MYH14: variants seen among roughly 807,000 people sequenced by gnomAD.
MYH14 encodes the protein myosin-14.
MYH14 carries 123 observed loss-of-function variants against 255.5 expected under a neutral mutation model. That is an observed-to-expected ratio of 0.48 (90% CI 0.42 to 0.56). The LOEUF is 0.56. Ranked by LOEUF, MYH14 falls within the 20% of genes least tolerant of loss-of-function variation. The pLI, the probability that MYH14 is intolerant of heterozygous loss-of-function variation, is 0.00. For synonymous variants in MYH14, 1,095 were observed against 1,161.2 expected, an observed-to-expected ratio of 0.94 and a Z score of 1.16; for missense variants, 2,423 against 2,802.3, an observed-to-expected ratio of 0.86 and a Z score of 3.06.
chr19:50,259,423 T>C (rs1259354849), intron 19 of MYH14, among the ~76,000 whole-genome samples, 158 bp downstream of exon 19: 2 of 152,200 alleles, frequency 1.3e-5, no homozygotes, highest in African/African-American at 2.4e-5. Flanking sequence ...AGTTTACTCG[T>C]CTGTGTATGG....
At position 50,221,119 on chromosome 19, in the gene MYH14, C is replaced by T. The variant is rs979726747; in HGVS notation, c.563-1964C>T. Reference sequence around the variant, plus strand: ...TGGGATTCGAACCCAGGGCCCCTGACCACCGCCTCCCTGTATGTCACACTG... The same window carrying T: ...TGGGATTCGAACCCAGGGCCCCTGATCACCGCCTCCCTGTATGTCACACTG... On this transcript the variant is annotated intron_variant, in intron 3 of 42. Coordinates refer to ENST00000642316, the MANE Select transcript of MYH14 (RefSeq NM_001145809.2). This position sits in a 1 kb window ranked among gnomAD's most constrained non-coding sequence, Gnocchi z 5.3. Among the ~76,000 whole-genome samples the T allele has an allele frequency of 9.2e-5, 14 of 152,114 alleles. No individual in the cohort carries two copies. The highest frequency in any genetic ancestry group is 9.2e-4 in the Admixed American group (14 of 15,264).
intron 1 of MYH14, among the ~76,000 whole-genome samples, chr19:50,205,232 C>T (rs544330716): frequency 3.3e-4 from 51 of 152,340 alleles, no homozygotes; most frequent in African/African-American, 1.2e-3. Flanking sequence ...GGGTTTGAAT[C>T]CCGGGAATCC....
chr19:50,267,252 G>A (rs1249123081), intron 23 of MYH14, among the ~76,000 whole-genome samples: 2 of 145,216 alleles, frequency 1.4e-5, no homozygotes, highest in Non-Finnish European at 3.0e-5. Context: ...TATGGGCCGG[G>A]TAGGGGTGGG....
intron 40 of MYH14, among the ~76,000 whole-genome samples, chr19:50,304,069 T>G (rs1158931817): frequency 6.6e-6 from 1 of 152,218 alleles, no homozygotes; most frequent in African/African-American, 2.4e-5. Flanking sequence ...GTTGGACTAC[T>G]TGTATATACC....
intron 22 of MYH14, 87 bp downstream of exon 22, chr19:50,263,507 G>A: frequency 2.3e-6 from 2 of 887,616 alleles, no homozygotes; most frequent in Admixed American, 5.7e-5. Flanking sequence ...TCCTCCATGT[G>A]GGCCTCAGTT....
At chr19:50,260,114 AG>A (rs2034766850) in intron 19 of MYH14, among the ~76,000 whole-genome samples, 1 of 152,176 alleles carries the variant, frequency 6.6e-6, no homozygotes, top group Admixed American at 6.5e-5. Context: ...ATTTTACTAA[AG>A]CCAATACATC....
At chr19:50,283,156 G>A (rs1042798915) in intron 33 of MYH14, among the ~76,000 whole-genome samples, 17 of 150,740 alleles carry the variant, frequency 1.1e-4, no homozygotes, top group Admixed American at 9.9e-4. Context: ...GTCTCGCTGT[G>A]TCACCAAGGC....
At chr19:50,275,029 A>T (rs1488748838) in intron 27 of MYH14, among the ~76,000 whole-genome samples, 1 of 151,798 alleles carries the variant, frequency 6.6e-6, no homozygotes, top group Non-Finnish European at 1.5e-5. Context: ...GAATTTGCCT[A>T]TTCTAGATAT....
At chr19:50,218,471 A>G (rs995988558) in intron 3 of MYH14, among the ~76,000 whole-genome samples, 1 of 151,548 alleles carries the variant, frequency 6.6e-6, no homozygotes, top group East Asian at 2.0e-4. Flanking sequence ...GGTGGCGGGC[A>G]CCTGTAGTCC....
intron 24 of MYH14, among the ~76,000 whole-genome samples, chr19:50,270,534 A>G (rs560911683): frequency 1.4e-5 from 2 of 144,616 alleles, no homozygotes; most frequent in South Asian, 4.5e-4. Flanking sequence ...AAAAAAAAAA[A>G]AAAGAAAAGA....
At chr19:50,259,017 A>G in intron 18 of MYH14, 127 bp from the exon 19 acceptor site, 1 of 1,301,034 alleles carries the variant, frequency 7.7e-7, no homozygotes, top group Non-Finnish European at 1.0e-6. Context: ...CAGGGCCTAG[A>G]ACCGTTCCTA....
At position 50,293,492 on chromosome 19, in the gene MYH14, C is replaced by G. The variant is rs2036157860; in HGVS notation, c.5346-72C>G. 1 of 1,593,042 alleles carries G rather than the reference C, an allele frequency of 6.3e-7. No homozygotes were observed. Among genetic ancestry groups the G allele is most frequent in the East Asian group, 2.3e-5 (1 of 44,182 alleles). On this transcript the variant is annotated intron_variant, in intron 38 of 42. Coordinates refer to ENST00000642316, the MANE Select transcript of MYH14 (RefSeq NM_001145809.2). The surrounding 1 kb of genome is among the most constrained non-coding windows in gnomAD (Gnocchi z 4.1). ...GATGCGTGGGGCTAACCACAGGGTC[C>G]TGTAGTGTGAGGCAAGGCACCCTCC...
In MYH14 at chr19:50,293,371, G is replaced by A. The variant is rs1335033546; in HGVS notation, c.5345+50G>A. 6.5e-7 allele frequency: 1 copy of A among 1,545,922 alleles called. No homozygotes were observed. Among genetic ancestry groups the A allele is most frequent in the Non-Finnish European group, 8.8e-7 (1 of 1,135,390 alleles). On this transcript the variant is annotated intron_variant, in intron 38 of 42. Coordinates refer to ENST00000642316, the MANE Select transcript of MYH14 (RefSeq NM_001145809.2). This position sits in a 1 kb window ranked among gnomAD's most constrained non-coding sequence, Gnocchi z 4.1. ...CTGAGGTACTGCGTCTGCAGGAGGT[G>A]AAGCTGGGGTAGGCTGGAGGTGGCT...
intron 1 of MYH14, among the ~76,000 whole-genome samples, chr19:50,204,120 A>G (rs927895673): frequency 2.6e-5 from 4 of 152,258 alleles, no homozygotes; most frequent in East Asian, 3.9e-4. Context: ...TTGAGAACCT[A>G]TGATGTACTT....
At chr19:50,210,886 G>T (rs2032160960) in intron 2 of MYH14, 116 bp downstream of exon 2, 1 of 1,461,188 alleles carries the variant, frequency 6.8e-7, no homozygotes, top group Non-Finnish European at 9.0e-7. Context: ...TGTATCCCAT[G>T]TCCCGTGACT....
chr19:50,309,687 G>A lies in MYH14; in HGVS notation c.6008G>A (p.Arg2003Gln), dbSNP rs754115880. 46 of 1,606,544 alleles carry A rather than the reference G, an allele frequency of 2.9e-5. 1 individual carries two copies. The highest frequency in any genetic ancestry group is 2.8e-4 in the South Asian group (25 of 89,870). Reference sequence around the variant, plus strand: ...ACCCGCACGGTGCGCCAGGTCTTCCGACTAGAGGAGGGCGTGGCATCCGAC... The same window carrying A: ...ACCCGCACGGTGCGCCAGGTCTTCCAACTAGAGGAGGGCGTGGCATCCGAC... ...FTTRTVRQVF[R>Q]LEEGVASDEE... is the part of the protein sequence containing the mutation. Residue 2003 changes from arginine (R) to glutamine (Q), a missense_variant, in exon 43 of 43, where the codon CGA becomes CAA. Around this residue, in one of 3 missense-constraint regions of MYH14, gnomAD observed 1,513 missense variants for 1,674.8 expected, o/e 0.90. Transcript: ENST00000642316.
chr19:50,223,227 T>A lies in MYH14; in HGVS notation c.591-20T>A, dbSNP rs2123204260. On this transcript the variant is annotated intron_variant, in intron 4 of 42. Coordinates refer to ENST00000642316, the MANE Select transcript of MYH14 (RefSeq NM_001145809.2). The stretch of plus-strand genomic sequence containing the variant: ...TGAGGTCATTGCCAACCCCTTTGCT[T>A]CCCCTTGTCATCCCCACAGTGGAGA... 2 of 1,612,836 alleles carry A rather than the reference T, an allele frequency of 1.2e-6. No homozygotes were observed. Among genetic ancestry groups the A allele is most frequent in the Middle Eastern group, 3.3e-4 (2 of 6,062 alleles).
intron 10 of MYH14, among the ~76,000 whole-genome samples, chr19:50,242,689 A>C (rs1270357191): frequency 6.6e-6 from 1 of 152,204 alleles, no homozygotes; most frequent in African/African-American, 2.4e-5. Flanking sequence ...ACAGCTGATG[A>C]TGTGGCTGAG....
chr19:50,270,101 T>G (rs1411514355), intron 24 of MYH14, among the ~76,000 whole-genome samples: 1 of 152,100 alleles, frequency 6.6e-6, no homozygotes, highest in African/African-American at 2.4e-5. Flanking sequence ...ACCTGTGGTG[T>G]TGTCACACTA....
Sources: gnomAD v4.1 joint callset for allele counts (sites outside exome capture counted in the v4.1 genomes callset) on GRCh38, gnomAD v4.1.1 for gene constraint, gnomAD v4.1.1 regional missense constraint, Gnocchi (gnomAD v3.1) non-coding constraint, MANE v1.5 for transcripts, NCBI Gene and HGNC (gene_info 2026-07-23, HGNC 2026-07-21) for gene names.